Variants in PCBP3 observed in about 807,000 individuals in gnomAD.
PCBP3 encodes the protein poly(rC) binding protein 3, also known as poly(rC)-binding protein 3.
In PCBP3, 25 loss-of-function variants were observed where a neutral mutation model predicts 52.7. That is an observed-to-expected ratio of 0.47 (90% CI 0.35 to 0.66). The LOEUF (loss-of-function observed/expected upper bound fraction) is 0.66, where lower values mean the gene tolerates loss of function less well. PCBP3 is among the 30% of genes least tolerant of loss of function. The pLI is 0.01. For missense variants in PCBP3, 391 were observed against 490.3 expected, an observed-to-expected ratio of 0.80 and a Z score of 1.91; for synonymous variants, 162 against 183.0, an observed-to-expected ratio of 0.89 and a Z score of 0.93.
intron 5 of PCBP3, among the ~76,000 whole-genome samples, chr21:45,858,034 T>G (rs1255636243): frequency 6.6e-6 from 1 of 152,216 alleles, no homozygotes; most frequent in Non-Finnish European, 1.5e-5. Context: ...AGACCCACCC[T>G]GCACTCCTGC....
chr21:45,862,622 A>T (rs1416377914), intron 5 of PCBP3, among the ~76,000 whole-genome samples: 1 of 152,172 alleles, frequency 6.6e-6, no homozygotes, highest in Non-Finnish European at 1.5e-5. Context: ...TTCTTTAATA[A>T]GCAATCGACT....
chr21:45,886,631 C>G lies in PCBP3; in HGVS notation c.11-9577C>G, dbSNP rs58256812. Reference sequence around the variant, plus strand: ...GAGGTGTGGAGGAGGCCTCATTGCCCCGGGTACCAAGGGCAGAGGATGTGG... The same window carrying G: ...GAGGTGTGGAGGAGGCCTCATTGCCGCGGGTACCAAGGGCAGAGGATGTGG... On this transcript the variant is annotated intron_variant, in intron 5 of 17. Transcript: ENST00000681687. 4.4e-3 allele frequency among the ~76,000 whole-genome samples: 38 copies of G among 8,686 alleles called. 1 individual carries two copies. The highest frequency in any genetic ancestry group is 0.013 in the African/African-American group (23 of 1,784). 5.7% of individuals were successfully genotyped at this position (8,686 alleles called of 152,430 possible). A position where few individuals can be genotyped will look rare whatever the true frequency, so the allele number is the denominator to read the frequency against.
rs568078698 is a variant in PCBP3 at position 45,699,764 on chromosome 21, C to T, written c.-200+30812C>T. Among the ~76,000 whole-genome samples, 198 of 152,292 alleles carry T rather than the reference C, an allele frequency of 1.3e-3. 1 individual carries two copies. Among genetic ancestry groups the T allele is most frequent in the East Asian group, 1.5e-3 (8 of 5,172 alleles). On this transcript the variant is annotated intron_variant, in intron 2 of 17. Transcript: ENST00000681687. ...TATAAAACCATCAGATCTTAAGAGA[C>T]TTATTCACTGTCACAAGAATAGCAT... is the stretch of plus-strand genomic sequence containing the variant.
intron 2 of PCBP3, among the ~76,000 whole-genome samples, chr21:45,691,384 TTATATA>T (rs1187790362): frequency 7.0e-6 from 1 of 142,172 alleles, no homozygotes; most frequent in South Asian, 2.1e-4. Context: ...GTGGGGGTAG[TTATATA>T]TATATATATC....
intron 4 of PCBP3, among the ~76,000 whole-genome samples, chr21:45,812,874 G>GT (rs1453554401): frequency 1.3e-5 from 2 of 152,140 alleles, no homozygotes; most frequent in African/African-American, 2.4e-5. Flanking sequence ...GGCTTCCACT[G>GT]TTTTTGATGA....
At chr21:45,941,166 T>C (rs1489762118) in intron 17 of PCBP3, among the ~76,000 whole-genome samples, 1 of 152,054 alleles carries the variant, frequency 6.6e-6, no homozygotes, top group Non-Finnish European at 1.5e-5. Context: ...CACAGGCCCA[T>C]GGGCAGGAGG....
At chr21:45,658,561 C>A (rs2080173766) in intron 1 of PCBP3, among the ~76,000 whole-genome samples, 1 of 152,190 alleles carries the variant, frequency 6.6e-6, no homozygotes, top group Non-Finnish European at 1.5e-5. Context: ...GCCCTGGCAT[C>A]CCAAAATGCT....
Position 45,866,294 on chromosome 21 carries a change from T to G in PCBP3, c.10+16199T>G, listed in dbSNP as rs1197918728. Among the ~76,000 whole-genome samples, 3 of 152,196 alleles carry G rather than the reference T, an allele frequency of 2.0e-5. No individual in the cohort carries two copies. In the East Asian group the frequency reaches 5.8e-4, roughly 29 times the overall value. The stretch of plus-strand genomic sequence containing the variant: ...CTGTGCTGTTCAGTGAGCCATCAGG[T>G]CAGATATGAACCAGACAGACCTGTG... On this transcript the variant is annotated intron_variant, in intron 5 of 17. Transcript: ENST00000681687.
intron 4 of PCBP3, among the ~76,000 whole-genome samples, chr21:45,808,791 A>C (rs1035654474): frequency 6.6e-6 from 1 of 152,148 alleles, no homozygotes; most frequent in East Asian, 1.9e-4. Context: ...AACCAACCCA[A>C]ATTTCCACCA....
intron 4 of PCBP3, among the ~76,000 whole-genome samples, chr21:45,786,133 AAAATAAAT>A (rs144726993): frequency 6.8e-6 from 1 of 147,822 alleles, no homozygotes; most frequent in African/African-American, 2.6e-5. Flanking sequence ...GATCAATAAA[AAAATAAAT>A]AAATAAATAA....
chr21:45,879,325 T>TA (rs997779949), intron 5 of PCBP3, among the ~76,000 whole-genome samples: 1 of 152,096 alleles, frequency 6.6e-6, no homozygotes, highest in African/African-American at 2.4e-5. Context: ...ATTTTAGAAC[T>TA]AAAAAATCTA....
chr21:45,851,971 G>T (rs894701095), intron 5 of PCBP3, among the ~76,000 whole-genome samples: 1 of 152,208 alleles, frequency 6.6e-6, no homozygotes. Flanking sequence ...AGGCTAGGAA[G>T]AAGAGAGGCT....
chr21:45,646,083 T>TCTCTCTCTCTCTCTCTC (rs1206207801), intron 1 of PCBP3, among the ~76,000 whole-genome samples: 20 of 99,604 alleles, frequency 2.0e-4, no homozygotes, highest in African/African-American at 2.6e-4. Context: ...CTCTCTCTCT[T>TCTCTCTCTCTCTCTCTC]TCTCTCTCTC....
rs116147896 is a variant in PCBP3 at position 45,874,320 on chromosome 21, C to T, written c.11-21888C>T. On this transcript the variant is annotated intron_variant, in intron 5 of 17. Coordinates refer to ENST00000681687, the MANE Select transcript of PCBP3 (RefSeq NM_001384156.1). ...TGTAGATCAAAATTGGGAGAATTAA[C>T]ATTTTAAATTATGGAGAGTTCGAGT... Among the ~76,000 whole-genome samples the T allele has an allele frequency of 6.8e-3, 1,036 of 152,288 alleles. 12 individuals are homozygous for T. The highest frequency in any genetic ancestry group is 0.023 in the African/African-American group (974 of 41,568).
intron 5 of PCBP3, among the ~76,000 whole-genome samples, chr21:45,879,695 AACAC>A (rs2095354385): frequency 7.7e-6 from 1 of 130,264 alleles, no homozygotes; most frequent in South Asian, 2.9e-4. Flanking sequence ...TGAAAATCAA[AACAC>A]ACACCTCTAA....
chr21:45,877,871 G>T lies in PCBP3; in HGVS notation c.11-18337G>T, dbSNP rs77929640. 6.4e-3 allele frequency among the ~76,000 whole-genome samples: 973 copies of T among 152,350 alleles called. 17 individuals carry two copies. The highest frequency in any genetic ancestry group is 0.05 in the East Asian group (258 of 5,176). ...TACACCCCCCTGCCCCTCCCACTGA[G>T]CACAGCTGGGACTTCTGCACAGAGT... On this transcript the variant is annotated intron_variant, in intron 5 of 17. Transcript: ENST00000681687.
chr21:45,673,163 T>C (rs2081273739), intron 2 of PCBP3, among the ~76,000 whole-genome samples: 1 of 152,258 alleles, frequency 6.6e-6, no homozygotes, highest in South Asian at 2.1e-4. Flanking sequence ...TGTTGAAATA[T>C]GTATTTAATA....
chr21:45,733,930 T>TA (rs537538029), intron 2 of PCBP3, among the ~76,000 whole-genome samples: 19 of 152,252 alleles, frequency 1.2e-4, no homozygotes, highest in Non-Finnish European at 2.6e-4. Context: ...TCTGAGTTTG[T>TA]ATCTTACTGA....
intron 1 of PCBP3, among the ~76,000 whole-genome samples, chr21:45,644,317 CT>C (rs1569067575): frequency 1.3e-5 from 2 of 151,660 alleles, no homozygotes; most frequent in Non-Finnish European, 2.9e-5. Flanking sequence ...CCTCCTCCCC[CT>C]GGACGGCCGC....
Sources: gnomAD v4.1 joint callset for allele counts (sites outside exome capture counted in the v4.1 genomes callset) on GRCh38, gnomAD v4.1.1 for gene constraint, MANE v1.5 for transcripts, NCBI Gene and HGNC (gene_info 2026-07-23, HGNC 2026-07-21) for gene names.